The following DSE variants were observed in gnomAD, a reference collection of about 807,000 sequenced individuals.
The protein encoded by DSE is dermatan-sulfate epimerase.
Under a neutral mutation model 84.4 loss-of-function variants are expected in DSE, and 36 were observed. The observed-to-expected ratio is 0.43, with a 90% CI of 0.33 to 0.56. The LOEUF (loss-of-function observed/expected upper bound fraction) is 0.56. Among genes scored for constraint, DSE ranks in the 20% least tolerant of loss-of-function variants. The probability of loss-of-function intolerance (pLI) is 0.06; values close to 1 mark genes in which losing one functional copy is unlikely to be tolerated. For synonymous variants in DSE, 410 were observed against 430.1 expected (o/e 0.95, Z 0.58); for missense variants, 862 against 1,169.6 (o/e 0.74, Z 3.84).
intron 2 of DSE, among the ~76,000 whole-genome samples, chr6:116,417,959 C>A (rs60135444): frequency 3.3e-5 from 5 of 151,976 alleles, no homozygotes; most frequent in African/African-American, 1.2e-4. Context: ...CTGAACTGAA[C>A]GTCAATTTGT....
At chr6:116,410,869 A>AT (rs1782309888) in intron 2 of DSE, among the ~76,000 whole-genome samples, 1 of 152,058 alleles carries the variant, frequency 6.6e-6, no homozygotes, top group Admixed American at 6.6e-5. Context: ...ATAGGAAATA[A>AT]TTGACAAGTT....
At chr6:116,333,773 T>G (rs1261781136) in intron 2 of DSE, among the ~76,000 whole-genome samples, 1 of 152,218 alleles carries the variant, frequency 6.6e-6, no homozygotes, top group Non-Finnish European at 1.5e-5. Context: ...CTGTTTTTCC[T>G]TATACATTTA....
chr6:116,294,943 A>C (rs1291545500), intron 2 of DSE, among the ~76,000 whole-genome samples: 10 of 152,188 alleles, frequency 6.6e-5, no homozygotes, highest in African/African-American at 2.4e-4. Flanking sequence ...CTTACTGAGC[A>C]CTTCCTATAG....
In DSE at chr6:116,431,096, A is replaced by G. The variant is rs2115079474; in HGVS notation, c.813A>G (p.Gln271=). ...YGSYTTRSLF[Q]YMFLVQRHFN... ...GCTACACCACTAGATCACTCTTCCAATACATGTTTCTCGTCCAGAGGCACT... is the reference window on the plus strand; with the variant it reads ...GCTACACCACTAGATCACTCTTCCAGTACATGTTTCTCGTCCAGAGGCACT... Residue 271 remains glutamine (Q), a synonymous_variant, in exon 4 of 6, where the codon CAA becomes CAG. Transcript: ENST00000644252. 1 of 1,614,220 alleles carries G rather than the reference A, an allele frequency of 6.2e-7. No individual in the cohort carries two copies. Among genetic ancestry groups the G allele is most frequent in the Non-Finnish European group, 8.5e-7 (1 of 1,180,032 alleles).
At chr6:116,314,869 C>A (rs1485633568) in intron 2 of DSE, among the ~76,000 whole-genome samples, 1 of 152,134 alleles carries the variant, frequency 6.6e-6, no homozygotes, top group Non-Finnish European at 1.5e-5. Flanking sequence ...TTTAACTTAT[C>A]CACGCTCTCA....
At chr6:116,406,418 G>A (rs1479517124) in intron 2 of DSE, among the ~76,000 whole-genome samples, 2 of 152,238 alleles carry the variant, frequency 1.3e-5, no homozygotes, top group African/African-American at 2.4e-5. Flanking sequence ...TTTGAATTTT[G>A]TGGATGTCTT....
intron 2 of DSE, among the ~76,000 whole-genome samples, chr6:116,411,111 G>A (rs897852391): frequency 3.3e-5 from 5 of 152,120 alleles, no homozygotes; most frequent in African/African-American, 1.2e-4. Context: ...ATTTTTAGCT[G>A]CTTCCTGTTT....
At chr6:116,354,611 G>T (rs778322397) in intron 2 of DSE, among the ~76,000 whole-genome samples, 7 of 152,150 alleles carry the variant, frequency 4.6e-5, no homozygotes, top group Non-Finnish European at 8.8e-5. Flanking sequence ...TTTTGGTGAG[G>T]TGATTTATCT....
rs1784502550 is a variant in DSE, at chr6:116,443,944, C to A, written c.*6599C>A. On this transcript the variant is annotated 3_prime_UTR_variant, in exon 6 of 6. Coordinates refer to ENST00000644252, the MANE Select transcript of DSE (RefSeq NM_013352.4). ...TTTTCCTTACTTTGTACTTTTCAGTCTCTGCTGTTTACCATTTTTGTCCAG... is the reference window on the plus strand; with the variant it reads ...TTTTCCTTACTTTGTACTTTTCAGTATCTGCTGTTTACCATTTTTGTCCAG... The A allele has an allele frequency of 6.6e-6, 1 of 152,170 alleles. No individual in the cohort carries two copies. The highest frequency in any genetic ancestry group is 2.4e-5 in the African/African-American group (1 of 41,432). The allele number at this position is 152,170 out of a possible 1,614,324, so 9.4% of individuals were successfully genotyped here.
chr6:116,438,266 A>G lies in DSE; in HGVS notation c.*921A>G, dbSNP rs997509710. On this transcript the variant is annotated 3_prime_UTR_variant, in exon 6 of 6. Transcript: ENST00000644252. The stretch of plus-strand genomic sequence containing the variant: ...TTCAAGTTTATTTTCCTAAATAAAC[A>G]TCATAATTGTGAATTTTCTCTAGTA... The G allele has an allele frequency of 1.3e-5, 2 of 152,570 alleles. No individual in the cohort carries two copies. The highest frequency in any genetic ancestry group is 2.9e-5 in the Non-Finnish European group (2 of 67,974). 9.5% of individuals were successfully genotyped at this position (152,570 alleles called of 1,614,324 possible). A position where few individuals can be genotyped will look rare whatever the true frequency, so the allele number is the denominator to read the frequency against.
chr6:116,295,368 T>G lies in DSE; in HGVS notation c.-54+36401T>G, dbSNP rs567884781. On this transcript the variant is annotated intron_variant, in intron 2 of 3. Coordinates refer to the DSE transcript ENST00000430252. ...CTCGCTGTGGAGTATTATGTTCTGCTGTGGTCATCCTATTAAACCCTGACT... is the reference window on the plus strand; with the variant it reads ...CTCGCTGTGGAGTATTATGTTCTGCGGTGGTCATCCTATTAAACCCTGACT... 6.6e-5 allele frequency among the ~76,000 whole-genome samples: 10 copies of G among 152,286 alleles called. No homozygotes were observed. The South Asian group carries it at 2.1e-3, about 32-fold the overall frequency.
At position 116,443,376 on chromosome 6, in the gene DSE, T is replaced by G. The variant is rs745658402; in HGVS notation, c.*6031T>G. The G allele has an allele frequency of 2.0e-5, 3 of 152,206 alleles. No homozygotes were observed. Among genetic ancestry groups the G allele is most frequent in the Non-Finnish European group, 4.4e-5 (3 of 68,036 alleles). The allele number at this position is 152,206 out of a possible 1,614,324, so 9.4% of individuals were successfully genotyped here. On this transcript the variant is annotated 3_prime_UTR_variant, in exon 6 of 6. Transcript: ENST00000644252. ...CTATCCCTTAATAAGCCCAGGAAAT[T>G]GTTCAAATATTTCTGCCATTTGTGT...
At position 116,398,102 on chromosome 6, in the gene DSE, A is replaced by G. The variant is rs546688802; in HGVS notation, c.-53-1096A>G. Among the ~76,000 whole-genome samples the G allele has an allele frequency of 2.0e-5, 3 of 152,204 alleles. No homozygotes were observed. In the East Asian group the frequency reaches 5.8e-4, roughly 29 times the overall value. On this transcript the variant is annotated intron_variant, in intron 1 of 5. Coordinates refer to ENST00000644252, the MANE Select transcript of DSE (RefSeq NM_013352.4). ...TAATAATTGAAAACCACTGTTCGTT[A>G]TTTACATAAAACTGTCTTTTTCTGG...
intron 2 of DSE, chr6:116,259,062 C>G: frequency 6.4e-7 from 1 of 1,552,316 alleles, no homozygotes; most frequent in Non-Finnish European, 8.9e-7. Flanking sequence ...TCCCAAAGAG[C>G]TTGATGTCTG....
At chr6:116,423,989 A>G (rs1783262227) in intron 2 of DSE, among the ~76,000 whole-genome samples, 1 of 152,222 alleles carries the variant, frequency 6.6e-6, no homozygotes, top group South Asian at 2.1e-4. Context: ...TTCATGAAGG[A>G]TGAGAATTAT....
intron 2 of DSE, among the ~76,000 whole-genome samples, chr6:116,343,205 T>G (rs1285627784): frequency 6.6e-6 from 1 of 152,196 alleles, no homozygotes. Flanking sequence ...CTCTGTAGAC[T>G]CCACCTCTGT....
intron 2 of DSE, among the ~76,000 whole-genome samples, chr6:116,269,228 C>G (rs1772769788): frequency 1.3e-5 from 2 of 152,100 alleles, no homozygotes; most frequent in South Asian, 4.2e-4. Context: ...GCTCTCTAAG[C>G]CACAATTTAC....
At chr6:116,318,256 C>T (rs1776103219) in intron 2 of DSE, among the ~76,000 whole-genome samples, 1 of 152,128 alleles carries the variant, frequency 6.6e-6, no homozygotes, top group African/African-American at 2.4e-5. Flanking sequence ...CCTGTAATCC[C>T]AACACTTTGG....
chr6:116,265,848 T>C (rs1259686073), intron 2 of DSE, among the ~76,000 whole-genome samples: 1 of 152,214 alleles, frequency 6.6e-6, no homozygotes, highest in Non-Finnish European at 1.5e-5. Flanking sequence ...CAGCCTTCCC[T>C]AGTTGTGCTC....
Sources: allele counts gnomAD v4.1 joint callset (sites outside exome capture counted in the v4.1 genomes callset), GRCh38; gene constraint gnomAD v4.1.1; transcripts MANE v1.5; gene names NCBI Gene and HGNC (gene_info 2026-07-23, HGNC 2026-07-21).